Variants in EML6 observed in about 807,000 individuals in gnomAD.
EML6 encodes the protein echinoderm microtubule-associated protein-like 6.
In EML6, 154 loss-of-function variants were observed where a neutral mutation model predicts 240.1. That is an observed-to-expected ratio of 0.64 (90% CI 0.56 to 0.73). The LOEUF is 0.73. EML6 is among the 30% of genes least tolerant of loss of function. EML6 has a pLI of 0.00. For missense variants in EML6, 2,964 were observed against 2,474.6 expected (o/e 1.20, Z -4.20); for synonymous variants, 1,148 against 899.0 (o/e 1.28, Z -4.95).
At chr2:54,751,186 CA>C (rs1312247930) in intron 2 of EML6, among the ~76,000 whole-genome samples, 1 of 152,078 alleles carries the variant, frequency 6.6e-6, no homozygotes, top group Non-Finnish European at 1.5e-5. Context: ...GTGACAAAGA[CA>C]ATTTACTTGG....
rs187832075 is a variant in EML6 at position 54,966,245 on chromosome 2, A to G, written c.5494-755A>G. On this transcript the variant is annotated intron_variant, in intron 38 of 41. Transcript: ENST00000356458. Reference sequence around the variant, plus strand: ...GCTGAATTTAGATGCACTTCCTCTCAGCAAGTGATATTTAAGCTGAGGTCT... The same window carrying G: ...GCTGAATTTAGATGCACTTCCTCTCGGCAAGTGATATTTAAGCTGAGGTCT... 3.9e-5 allele frequency among the ~76,000 whole-genome samples: 6 copies of G among 152,378 alleles called. No homozygotes were observed. The East Asian group carries it at 7.7e-4, about 20-fold the overall frequency.
In EML6 at chr2:54,859,690, C is replaced by T. The variant is rs1670574468; in HGVS notation, c.1814C>T (p.Thr605Ile). The change falls in exon 12 of 42, where the codon ACT becomes ATT. Residue 605 changes from threonine to isoleucine, a missense_variant. Physicochemically the swap from Thr to Ile is moderately conservative, Grantham distance 89. Transcript: ENST00000356458. ...PEGVSNGMLE[T>I]APQEGGADSY... ...GGTGTCAGCAACGGCATGCTGGAAA[C>T]TGCACCCCAAGGTAAACCCAGCAAT... 6.5e-7 allele frequency: 1 copy of T among 1,536,744 alleles called. No homozygotes were observed. The highest frequency in any genetic ancestry group is 1.4e-5 in the African/African-American group (1 of 72,090).
chr2:54,948,978 T>G lies in EML6; in HGVS notation c.4083+18T>G. On this transcript the variant is annotated intron_variant, in intron 29 of 41. Coordinates refer to ENST00000356458, the MANE Select transcript of EML6 (RefSeq NM_001039753.4). ...TGGTTGAGGTGAGTTAAACAATCAC[T>G]TGTAGTCTGATATTGACGTTCTAAG... 6.6e-7 allele frequency: 1 copy of G among 1,510,798 alleles called. No homozygotes were observed. Among genetic ancestry groups the G allele is most frequent in the South Asian group, 1.2e-5 (1 of 83,264 alleles). 93.6% of individuals were successfully genotyped at this position (1,510,798 alleles called of 1,614,324 possible). A position where few individuals can be genotyped will look rare whatever the true frequency, so the allele number is the denominator to read the frequency against.
intron 26 of EML6, among the ~76,000 whole-genome samples, chr2:54,922,415 G>A (rs1558688765): frequency 6.6e-6 from 1 of 152,134 alleles, no homozygotes; most frequent in African/African-American, 2.4e-5. Context: ...TGTAAAGGAA[G>A]GGAACCCTTG....
intron 5 of EML6, among the ~76,000 whole-genome samples, chr2:54,825,161 T>C (rs1226112472): frequency 6.6e-6 from 1 of 152,168 alleles, no homozygotes; most frequent in African/African-American, 2.4e-5. Flanking sequence ...GGGGGGTGTA[T>C]ATCCAAAGTT....
chr2:54,847,729 C>T, intron 9 of EML6, 106 bp downstream of exon 9: 2 of 1,245,818 alleles, frequency 1.6e-6, no homozygotes, highest in Non-Finnish European at 2.2e-6. Context: ...TCCATTTAGC[C>T]ATTCAAATAG....
At position 54,959,250 on chromosome 2, in the gene EML6, A is replaced by G; in HGVS notation, c.4842A>G (p.Gly1614=). ...TLRDGLIVTG[G]KERPTKEGGA... ...GGGATGGACTCATAGTGACCGGCGGAAAAGAGAGGCCGTAAGCCAAAGCTC... is the reference window on the plus strand; with the variant it reads ...GGGATGGACTCATAGTGACCGGCGGGAAAGAGAGGCCGTAAGCCAAAGCTC... The change falls in exon 34 of 42, where the codon GGA becomes GGG. Residue 1614 remains glycine, a synonymous_variant. Coordinates refer to ENST00000356458, the MANE Select transcript of EML6 (RefSeq NM_001039753.4). 6.5e-7 allele frequency: 1 copy of G among 1,537,046 alleles called. No individual in the cohort carries two copies. Among genetic ancestry groups the G allele is most frequent in the Non-Finnish European group, 8.8e-7 (1 of 1,139,786 alleles).
At chr2:54,821,046 CAT>C (rs1341589321) in intron 5 of EML6, among the ~76,000 whole-genome samples, 1 of 152,084 alleles carries the variant, frequency 6.6e-6, no homozygotes, top group Non-Finnish European at 1.5e-5. Flanking sequence ...TTTGCTCTGA[CAT>C]AGCAAAAATT....
chr2:54,886,563 A>C (rs1178256419), intron 17 of EML6, among the ~76,000 whole-genome samples: 1 of 152,216 alleles, frequency 6.6e-6, no homozygotes, highest in African/African-American at 2.4e-5. Flanking sequence ...TTAGTGCCTC[A>C]AAATGTTAAA....
chr2:54,784,176 G>A (rs903708231), intron 2 of EML6, among the ~76,000 whole-genome samples: 1 of 151,996 alleles, frequency 6.6e-6, no homozygotes, highest in African/African-American at 2.4e-5. Context: ...AAACTCTTGG[G>A]CTCAAATGGT....
chr2:54,844,351 G>A, intron 8 of EML6, 103 bp downstream of exon 8: 1 of 877,994 alleles, frequency 1.1e-6, no homozygotes, highest in Non-Finnish European at 1.8e-6. Context: ...GAACCACACA[G>A]TTTCCAAATG....
Position 54,827,638 on chromosome 2 carries a change from A to G in EML6, c.598A>G (p.Ile200Val). 6.4e-7 allele frequency: 1 copy of G among 1,551,686 alleles called. No homozygotes were observed. The highest frequency in any genetic ancestry group is 8.7e-7 in the Non-Finnish European group (1 of 1,146,934). ...IFGKTGDLQT[I>V]LCLACAKEDI... ...TGGCAAAACAGGGGATCTTCAGACC[A>G]TCCTTTGCCTTGCATGTGCCAAAGA... Residue 200 changes from isoleucine to valine, a missense_variant, in exon 6 of 42, where the codon ATC becomes GTC. Physicochemically the swap from Ile to Val is conservative, Grantham distance 29. Transcript: ENST00000356458.
At position 54,844,135 on chromosome 2, in the gene EML6, G is replaced by C. The variant is rs1228069584; in HGVS notation, c.936G>C (p.Glu312Asp). ...DSEIFEVIVR[E>D]RDKPMLILQG... is the part of the protein sequence containing the mutation. ...AGATATTTGAAGTGATTGTGCGAGA[G>C]CGAGACAAGCCGATGTTGATCCTAC... The change falls in exon 8 of 42, where the codon GAG becomes GAC. Residue 312 changes from glutamate (E) to aspartate (D), a missense_variant. Glu to Asp is a conservative substitution (Grantham distance 45). Coordinates refer to ENST00000356458, the MANE Select transcript of EML6 (RefSeq NM_001039753.4). The C allele has an allele frequency of 1.9e-6, 3 of 1,551,586 alleles. No individual in the cohort carries two copies. In the Admixed American group the frequency reaches 5.9e-5, roughly 30 times the overall value.
At chr2:54,967,867 G>A (rs549886265) in intron 39 of EML6, among the ~76,000 whole-genome samples, 17 of 152,246 alleles carry the variant, frequency 1.1e-4, no homozygotes, top group South Asian at 2.1e-4. Flanking sequence ...AATAGGGTTC[G>A]CACTCCTATG....
chr2:54,916,638 C>T (rs1426887842), intron 25 of EML6, 121 bp from the exon 26 acceptor site: 1 of 671,072 alleles, frequency 1.5e-6, no homozygotes, highest in Non-Finnish European at 2.4e-6. Flanking sequence ...TGTACCTCAG[C>T]ACTCAACACA....
chr2:54,921,615 T>G (rs1674258227), intron 26 of EML6, among the ~76,000 whole-genome samples: 1 of 152,022 alleles, frequency 6.6e-6, no homozygotes, highest in Non-Finnish European at 1.5e-5. Flanking sequence ...AAAACCTGAA[T>G]AGCCAAAGCA....
At chr2:54,764,825 T>C (rs1011765383) in intron 2 of EML6, among the ~76,000 whole-genome samples, 1 of 152,222 alleles carries the variant, frequency 6.6e-6, no homozygotes, top group East Asian at 1.9e-4. Flanking sequence ...TGGTAGGAGA[T>C]GCCAGATTCC....
At position 54,827,151 on chromosome 2, in the gene EML6, C is replaced by T. The variant is rs887019529; in HGVS notation, c.526-415C>T. ...TGGCGCCATTGCATTCCAGAAGTTA[C>T]AGACTATCACAATTTTCCTTTTTAT... On this transcript the variant is annotated intron_variant, in intron 5 of 41. Coordinates refer to ENST00000356458, the MANE Select transcript of EML6 (RefSeq NM_001039753.4). Among the ~76,000 whole-genome samples the T allele has an allele frequency of 3.9e-5, 6 of 152,304 alleles. No homozygotes were observed. In the South Asian group the frequency reaches 8.3e-4, roughly 21 times the overall value.
intron 17 of EML6, among the ~76,000 whole-genome samples, chr2:54,886,637 G>A (rs1280114783): frequency 6.6e-6 from 1 of 152,078 alleles, no homozygotes; most frequent in African/African-American, 2.4e-5. Flanking sequence ...TTTTATTATA[G>A]CCACCTCATC....
Sources: gnomAD v4.1 joint callset for allele counts (sites outside exome capture counted in the v4.1 genomes callset) on GRCh38, gnomAD v4.1.1 for gene constraint, MANE v1.5 for transcripts, NCBI Gene and HGNC (gene_info 2026-07-23, HGNC 2026-07-21) for gene names.